The following CPA6 variants were observed in gnomAD, a reference collection of about 807,000 sequenced individuals.
The protein encoded by CPA6 is carboxypeptidase B.
A neutral mutation model predicts 63.3 loss-of-function variants in CPA6; 58 were observed. The observed-to-expected ratio is 0.92, with a 90% confidence interval of 0.74 to 1.14. The LOEUF (loss-of-function observed/expected upper bound fraction) is 1.14, where lower values mean the gene tolerates loss of function less well. CPA6 is among the 50% of genes most tolerant of loss of function. The pLI is 0.00. For missense variants in CPA6, 565 were observed against 526.6 expected, an observed-to-expected ratio of 1.07 and a Z score of -0.71; for synonymous variants, 185 against 179.0, an observed-to-expected ratio of 1.03 and a Z score of -0.27.
At chr8:67,674,610 T>A (rs1374490403) in intron 1 of CPA6, among the ~76,000 whole-genome samples, 1 of 152,214 alleles carries the variant, frequency 6.6e-6, no homozygotes, top group Non-Finnish European at 1.5e-5. Context: ...GAAAGCAGCT[T>A]GGAGATTTCT....
intron 1 of CPA6, among the ~76,000 whole-genome samples, chr8:67,681,195 A>ATTTTTTTT (rs1554533441): frequency 2.1e-5 from 2 of 97,132 alleles, no homozygotes; most frequent in African/African-American, 1.2e-4. Context: ...GGTCACAAAG[A>ATTTTTTTT]TTTTCTTTTT....
chr8:67,688,375 G>A (rs965529467), intron 1 of CPA6, among the ~76,000 whole-genome samples: 2 of 152,172 alleles, frequency 1.3e-5, no homozygotes, highest in African/African-American at 4.8e-5. Context: ...GTCAAGGAAA[G>A]GGAACACCCC....
At chr8:67,587,508 T>G (rs988656262) in intron 2 of CPA6, among the ~76,000 whole-genome samples, 1 of 151,862 alleles carries the variant, frequency 6.6e-6, no homozygotes, top group African/African-American at 2.4e-5. Context: ...AAGGTGGCCT[T>G]TTTTTTGGAC....
chr8:67,729,181 C>T (rs1445818422), intron 1 of CPA6, among the ~76,000 whole-genome samples: 1 of 152,168 alleles, frequency 6.6e-6, no homozygotes, highest in African/African-American at 2.4e-5. Context: ...GCTGAATCTG[C>T]ATTGTCAATA....
chr8:67,625,740 A>G lies in CPA6; in HGVS notation c.117-1489T>C, dbSNP rs184524754. Among the ~76,000 whole-genome samples, 112 of 152,336 alleles carry G rather than the reference A, an allele frequency of 7.4e-4. 4 individuals are homozygous for G. In the East Asian group the frequency reaches 0.016, roughly 21 times the overall value. ...ATTAAAGATAAGGTAGAATATTATT[A>G]ATAGAATATAAAGCAGAAAACAAAA... is the stretch of plus-strand genomic sequence containing the variant. On this transcript the variant is annotated intron_variant, in intron 1 of 10. Coordinates refer to ENST00000297770, the MANE Select transcript of CPA6 (RefSeq NM_020361.5).
intron 1 of CPA6, among the ~76,000 whole-genome samples, chr8:67,652,575 C>T (rs1216864096): frequency 6.6e-6 from 1 of 151,382 alleles, no homozygotes; most frequent in African/African-American, 2.4e-5. Flanking sequence ...CCTTTGCCCA[C>T]TTTTTGATGG....
intron 2 of CPA6, among the ~76,000 whole-genome samples, chr8:67,584,272 T>C (rs1320493099): frequency 2.0e-5 from 3 of 152,198 alleles, no homozygotes; most frequent in African/African-American, 7.2e-5. Flanking sequence ...GGTATACTTG[T>C]AAGTGCAAGT....
Position 67,612,190 on chromosome 8 carries a change from A to T in CPA6, c.192+11986T>A, listed in dbSNP as rs577684102. Among the ~76,000 whole-genome samples, 3 of 152,214 alleles carry T rather than the reference A, an allele frequency of 2.0e-5. No individual in the cohort carries two copies. The East Asian group carries it at 5.8e-4, about 29-fold the overall frequency. On this transcript the variant is annotated intron_variant, in intron 2 of 10. Transcript: ENST00000297770. ...GTTTTAGGGCAGAGAGGGATATGGA[A>T]GAAGGGAAGGAGGAAAGAAAAGTAT... is the stretch of plus-strand genomic sequence containing the variant.
At chr8:67,717,828 G>A (rs979535303) in intron 1 of CPA6, among the ~76,000 whole-genome samples, 8 of 152,188 alleles carry the variant, frequency 5.3e-5, no homozygotes, top group Non-Finnish European at 8.8e-5. Context: ...TAGGACCATG[G>A]AGGAAGAGCT....
chr8:67,666,278 T>C (rs967984202), intron 1 of CPA6, among the ~76,000 whole-genome samples: 24 of 152,222 alleles, frequency 1.6e-4, no homozygotes, highest in Admixed American at 1.6e-3. Context: ...AAATTGATGG[T>C]AACCTGAGGC....
At chr8:67,624,359 G>A in intron 1 of CPA6, 108 bp from the exon 2 acceptor site, 1 of 570,322 alleles carries the variant, frequency 1.8e-6, no homozygotes, top group Non-Finnish European at 3.0e-6. Context: ...AAGAAAAACA[G>A]TGAAACTTTT....
chr8:67,482,347 A>G (rs1199792936), intron 8 of CPA6, among the ~76,000 whole-genome samples: 2 of 152,232 alleles, frequency 1.3e-5, no homozygotes, highest in Non-Finnish European at 1.5e-5. Context: ...GCCCCATCAG[A>G]GAGAAGGGAA....
chr8:67,587,183 G>A (rs540480386), intron 2 of CPA6, among the ~76,000 whole-genome samples: 10 of 151,992 alleles, frequency 6.6e-5, no homozygotes, highest in Non-Finnish European at 1.3e-4. Flanking sequence ...AATATTCTGA[G>A]GCTTGTAGAA....
At chr8:67,713,455 C>G (rs188747314) in intron 1 of CPA6, among the ~76,000 whole-genome samples, 1 of 152,020 alleles carries the variant, frequency 6.6e-6, no homozygotes, top group African/African-American at 2.4e-5. Context: ...TTCTTTGTTT[C>G]GGGTTTTACC....
chr8:67,736,687 T>C (rs1587739758), intron 1 of CPA6, among the ~76,000 whole-genome samples: 1 of 152,196 alleles, frequency 6.6e-6, no homozygotes, highest in East Asian at 1.9e-4. Flanking sequence ...ACCAAAGGTT[T>C]CAAGAAATTC....
chr8:67,679,049 G>T (rs1816538583), intron 1 of CPA6, among the ~76,000 whole-genome samples: 1 of 152,128 alleles, frequency 6.6e-6, no homozygotes, highest in Non-Finnish European at 1.5e-5. Context: ...GGTTAACCTT[G>T]GGGGAAGGGG....
intron 2 of CPA6, among the ~76,000 whole-genome samples, chr8:67,557,761 G>A (rs1242131679): frequency 6.6e-6 from 1 of 152,156 alleles, no homozygotes; most frequent in African/African-American, 2.4e-5. Context: ...TTGGTCATAA[G>A]TTCAGCATTA....
At chr8:67,624,319 A>G (rs1815150361) in intron 1 of CPA6, 68 bp from the exon 2 acceptor site, 1 of 837,518 alleles carries the variant, frequency 1.2e-6, no homozygotes, top group Admixed American at 2.6e-5. Flanking sequence ...TCTCTTTCTT[A>G]CCTCTTAAAA....
At chr8:67,560,264 C>A in intron 2 of CPA6, among the ~76,000 whole-genome samples, 1 of 151,432 alleles carries the variant, frequency 6.6e-6, no homozygotes, top group East Asian at 1.9e-4. Flanking sequence ...GGAAATACTG[C>A]ATCTCCCAAA....
Sources: gnomAD v4.1 joint callset for allele counts (sites outside exome capture counted in the v4.1 genomes callset) on GRCh38, gnomAD v4.1.1 for gene constraint, MANE v1.5 for transcripts, NCBI Gene and HGNC (gene_info 2026-07-23, HGNC 2026-07-21) for gene names.